Variants in DAB1 observed in about 807,000 individuals in gnomAD.
DAB1 encodes DAB adaptor protein 1.
Under a neutral mutation model 64.6 loss-of-function variants are expected in DAB1, and 15 were observed. That is an observed-to-expected ratio of 0.23 (90% CI 0.16 to 0.36). The LOEUF (loss-of-function observed/expected upper bound fraction) is 0.36, where lower values mean the gene tolerates loss of function less well. Among genes scored for constraint, DAB1 ranks in the 10% least tolerant of loss-of-function variants. The probability of loss-of-function intolerance (pLI) is 1.00; values close to 1 mark genes in which losing one functional copy is unlikely to be tolerated. For missense variants in DAB1, 596 were observed against 706.7 expected, an observed-to-expected ratio of 0.84 and a Z score of 1.78; for synonymous variants, 235 against 251.9, an observed-to-expected ratio of 0.93 and a Z score of 0.64.
intron 4 of DAB1, among the ~76,000 whole-genome samples, chr1:57,118,132 C>G: frequency 6.6e-6 from 1 of 152,172 alleles, no homozygotes; most frequent in East Asian, 1.9e-4. Context: ...CTGATTCCTT[C>G]TCTGATATTT....
chr1:57,771,789 A>T (rs955810613), intron 6 of DAB1, among the ~76,000 whole-genome samples: 16 of 152,068 alleles, frequency 1.1e-4, no homozygotes, highest in Admixed American at 6.6e-5. Flanking sequence ...ATCTAATTTC[A>T]GTCATGATAC....
intron 7 of DAB1, among the ~76,000 whole-genome samples, chr1:57,558,368 C>T (rs1458025007): frequency 6.6e-6 from 1 of 152,144 alleles, no homozygotes; most frequent in Non-Finnish European, 1.5e-5. Context: ...CACAACATCC[C>T]TGTTTGCTTC....
chr1:57,425,741 T>C (rs1451686834), upstream of DAB1, among the ~76,000 whole-genome samples: 2 of 152,336 alleles, frequency 1.3e-5, no homozygotes, highest in East Asian at 1.9e-4. Context: ...CTATCCCTGA[T>C]ACTACTCGGT....
intron 1 of DAB1, among the ~76,000 whole-genome samples, chr1:57,354,136 C>A (rs1326638112): frequency 6.6e-6 from 1 of 152,146 alleles, no homozygotes; most frequent in Admixed American, 6.5e-5. Context: ...ATCTGAAAAT[C>A]GCTTCTATCA....
At chr1:58,312,077 C>G (rs1005480411) in intron 4 of DAB1, among the ~76,000 whole-genome samples, 1 of 152,128 alleles carries the variant, frequency 6.6e-6, no homozygotes, top group African/African-American at 2.4e-5. Context: ...TGCCATCAGA[C>G]ACAAAGTTCC....
Position 57,533,539 on chromosome 1 carries a change from GTATA to G in DAB1, n.625+116049_625+116052del, listed in dbSNP as rs59378470. 1.7e-3 allele frequency among the ~76,000 whole-genome samples: 247 copies of G among 143,830 alleles called. 4 individuals carry two copies. The highest frequency in any genetic ancestry group is 6.0e-3 in the African/African-American group (230 of 38,446). 94.4% of individuals were successfully genotyped at this position (143,830 alleles called of 152,430 possible). A position where few individuals can be genotyped will look rare whatever the true frequency, so the allele number is the denominator to read the frequency against. ...AACAAAAATAGAAAATTCATAACAG[GTATA>G]TATATATATATATATATATATATGT... is the stretch of plus-strand genomic sequence containing the variant. On this transcript the variant is annotated intron_variant and non_coding_transcript_variant, in intron 7 of 20. Coordinates refer to the DAB1 transcript ENST00000485760.
intron 3 of DAB1, among the ~76,000 whole-genome samples, chr1:58,392,387 G>A (rs849493): frequency 0.28 from 42,607 of 151,908 alleles, 7,677 homozygotes; most frequent in African/African-American, 0.52. Context: ...ACATTGTTCC[G>A]TCTCAGCGGG....
intron 7 of DAB1, among the ~76,000 whole-genome samples, chr1:57,524,943 G>T (rs908279905): frequency 6.6e-6 from 1 of 152,110 alleles, no homozygotes; most frequent in Non-Finnish European, 1.5e-5. Context: ...GAAAGAGAAT[G>T]ACACTAATCT....
chr1:57,569,086 G>A (rs1291901226), intron 7 of DAB1, among the ~76,000 whole-genome samples: 8 of 150,234 alleles, frequency 5.3e-5, no homozygotes, highest in Non-Finnish European at 7.4e-5. Context: ...GTGAAACCCC[G>A]TCTCTACTAA....
At chr1:57,016,193 C>T (rs1029402679) in intron 11 of DAB1, among the ~76,000 whole-genome samples, 13 of 151,986 alleles carry the variant, frequency 8.6e-5, no homozygotes, top group African/African-American at 1.7e-4. Context: ...TTACTTATTA[C>T]GTTGCTTAAT....
At chr1:58,356,920 G>T (rs775001771) in intron 3 of DAB1, among the ~76,000 whole-genome samples, 24 of 151,274 alleles carry the variant, frequency 1.6e-4, no homozygotes, top group Non-Finnish European at 3.1e-4. Context: ...AGCTACTCAG[G>T]AGCCTGAGGT....
chr1:57,662,843 T>C (rs879373758), intron 6 of DAB1, among the ~76,000 whole-genome samples: 13 of 152,222 alleles, frequency 8.5e-5, no homozygotes, highest in Non-Finnish European at 1.5e-4. Flanking sequence ...GGAAAATCAT[T>C]TGATATTCAT....
At chr1:58,401,010 C>T (rs535327915) in intron 3 of DAB1, among the ~76,000 whole-genome samples, 3 of 152,192 alleles carry the variant, frequency 2.0e-5, no homozygotes, top group African/African-American at 7.2e-5. Context: ...CATTTGAAAC[C>T]CAGCTCTAAA....
intron 6 of DAB1, among the ~76,000 whole-genome samples, chr1:57,798,130 T>C (rs1469671199): frequency 6.6e-6 from 1 of 152,148 alleles, no homozygotes; most frequent in Non-Finnish European, 1.5e-5. Context: ...ACAGATTCAA[T>C]ATTCAAACCC....
At chr1:57,548,124 C>T (rs1644875939) in intron 7 of DAB1, among the ~76,000 whole-genome samples, 1 of 152,172 alleles carries the variant, frequency 6.6e-6, no homozygotes, top group Non-Finnish European at 1.5e-5. Flanking sequence ...GCATCCTCAA[C>T]CAGACTGTGA....
intron 6 of DAB1, among the ~76,000 whole-genome samples, chr1:57,700,213 C>T (rs1262484677): frequency 1.3e-5 from 2 of 152,178 alleles, no homozygotes; most frequent in African/African-American, 4.8e-5. Context: ...CTTGGTTTCC[C>T]TGACTCCAGT....
chr1:57,280,125 C>T (rs1671773817), intron 2 of DAB1, among the ~76,000 whole-genome samples: 1 of 152,158 alleles, frequency 6.6e-6, no homozygotes, highest in Non-Finnish European at 1.5e-5. Context: ...CTCAAGTAAG[C>T]CATGCACCTC....
At chr1:57,493,328 A>G (rs1644188101) in intron 7 of DAB1, among the ~76,000 whole-genome samples, 1 of 151,346 alleles carries the variant, frequency 6.6e-6, no homozygotes, top group African/African-American at 2.4e-5. Flanking sequence ...CAACCATTCT[A>G]CTTTCTGTCT....
Position 57,350,732 on chromosome 1 carries a change from C to T in DAB1, c.-136-59566G>A, listed in dbSNP as rs566589077. 2.0e-5 allele frequency among the ~76,000 whole-genome samples: 3 copies of T among 148,642 alleles called. No homozygotes were observed. In the East Asian group the frequency reaches 5.8e-4, roughly 29 times the overall value. ...CACACAAAGTCACAACAGCTGGCTT[C>T]AAGTGTCTTCAAAAAAAAAATAGCT... On this transcript the variant is annotated intron_variant, in intron 1 of 14. Transcript: ENST00000371236.
Sources: gnomAD v4.1 joint callset for allele counts (sites outside exome capture counted in the v4.1 genomes callset) on GRCh38, gnomAD v4.1.1 for gene constraint, MANE v1.5 for transcripts, NCBI Gene and HGNC (gene_info 2026-07-23, HGNC 2026-07-21) for gene names.